SLC41A2: variants seen among roughly 807,000 people sequenced by gnomAD.
SLC41A2 encodes solute carrier family 41 member 2.
In SLC41A2, 32 loss-of-function variants were observed where a neutral mutation model predicts 58.3. The ratio of observed to expected loss-of-function variants is 0.55; its 90% confidence interval spans 0.41 to 0.74. SLC41A2 has a LOEUF of 0.74. Among genes scored for constraint, SLC41A2 ranks in the 30% least tolerant of loss-of-function variants. The pLI, the probability that SLC41A2 is intolerant of heterozygous loss-of-function variation, is 0.00. For synonymous variants in SLC41A2, 190 were observed against 235.0 expected, an observed-to-expected ratio of 0.81 and a Z score of 1.75; for missense variants, 514 against 680.6, an observed-to-expected ratio of 0.76 and a Z score of 2.72.
chr12:104,826,594 C>T (rs2136261770), intron 10 of SLC41A2, among the ~76,000 whole-genome samples: 1 of 152,268 alleles, frequency 6.6e-6, no homozygotes, highest in East Asian at 1.9e-4. Context: ...CTCCCTTACC[C>T]CCTCCTAGAA....
At chr12:104,815,889 G>A (rs1043959278) in intron 10 of SLC41A2, among the ~76,000 whole-genome samples, 1 of 152,088 alleles carries the variant, frequency 6.6e-6, no homozygotes, top group African/African-American at 2.4e-5. Context: ...TCTTTGGCTT[G>A]AACTATTTTG....
chr12:104,852,875 AC>A (rs1251554895), intron 8 of SLC41A2, among the ~76,000 whole-genome samples: 1 of 152,210 alleles, frequency 6.6e-6, no homozygotes, highest in African/African-American at 2.4e-5. Flanking sequence ...ATAATGACAT[AC>A]ACTATGTTTC....
At chr12:104,954,349 G>A (rs1379531436) in intron 1 of SLC41A2, among the ~76,000 whole-genome samples, 2 of 152,290 alleles carry the variant, frequency 1.3e-5, no homozygotes, top group East Asian at 3.9e-4. Context: ...TCTAACTGCA[G>A]TACGTTCAGA....
chr12:104,806,531 G>C (rs966765248), intron 10 of SLC41A2, among the ~76,000 whole-genome samples: 2 of 152,200 alleles, frequency 1.3e-5, no homozygotes, highest in African/African-American at 4.8e-5. Flanking sequence ...ACATACATGT[G>C]CATGTGTCTT....
intron 8 of SLC41A2, among the ~76,000 whole-genome samples, chr12:104,859,919 T>C (rs1205941556): frequency 6.6e-6 from 1 of 151,986 alleles, no homozygotes; most frequent in Non-Finnish European, 1.5e-5. Context: ...ATTTTTATAT[T>C]TTTTGTGCAG....
intron 10 of SLC41A2, among the ~76,000 whole-genome samples, chr12:104,843,828 A>G (rs969065304): frequency 1.3e-5 from 2 of 152,172 alleles, no homozygotes; most frequent in Non-Finnish European, 2.9e-5. Context: ...TGAGAATTAA[A>G]TGAATCAATA....
At chr12:104,865,019 CTG>C (rs2135520260) in intron 7 of SLC41A2, among the ~76,000 whole-genome samples, 1 of 151,372 alleles carries the variant, frequency 6.6e-6, no homozygotes, top group East Asian at 1.9e-4. Flanking sequence ...TTGGAACTCT[CTG>C]TGTACATGGG....
At chr12:104,859,986 A>T (rs1375789289) in intron 8 of SLC41A2, among the ~76,000 whole-genome samples, 3 of 152,066 alleles carry the variant, frequency 2.0e-5, no homozygotes, top group African/African-American at 7.2e-5. Context: ...TGAACGATCC[A>T]CTTGCCTTGG....
intron 8 of SLC41A2, chr12:104,851,981 GATAATAGCAT>G (rs2042817630): frequency 6.6e-6 from 1 of 152,208 alleles, no homozygotes; most frequent in Admixed American, 6.5e-5. Flanking sequence ...GTACTCATCT[GATAATAGCAT>G]ATAAACAAGG....
intron 1 of SLC41A2, 94 bp from the exon 2 acceptor site, chr12:104,928,788 C>A (rs1053838391): frequency 3.4e-6 from 1 of 290,806 alleles, no homozygotes; most frequent in Admixed American, 4.6e-5. Context: ...ATTAAAAACA[C>A]ATGTTCTTAA....
At chr12:104,942,000 T>G (rs556082737) in intron 1 of SLC41A2, among the ~76,000 whole-genome samples, 1 of 152,324 alleles carries the variant, frequency 6.6e-6, no homozygotes, top group East Asian at 1.9e-4. Flanking sequence ...TGTTGCTGTT[T>G]GAGACAAGTC....
At chr12:104,825,347 GA>G (rs775235309) in intron 10 of SLC41A2, among the ~76,000 whole-genome samples, 1 of 152,182 alleles carries the variant, frequency 6.6e-6, no homozygotes, top group Non-Finnish European at 1.5e-5. Context: ...TGGTAGCCAG[GA>G]CCCCACGGGG....
chr12:104,848,739 G>C (rs915364730), intron 8 of SLC41A2, among the ~76,000 whole-genome samples: 1 of 151,732 alleles, frequency 6.6e-6, no homozygotes, highest in African/African-American at 2.4e-5. Context: ...TTTAATAGTT[G>C]GAAAGAAAGT....
chr12:104,945,228 C>T lies in SLC41A2; in HGVS notation c.-168+12860G>A, dbSNP rs147090264. On this transcript the variant is annotated intron_variant, in intron 1 of 10. Coordinates refer to ENST00000258538, the MANE Select transcript of SLC41A2 (RefSeq NM_001352171.3). ...AAAGAAAAGAAAAGAAGGCTGGGCACGGTAGTTCACACCTGTAATCCCAGC... is the reference window on the plus strand; with the variant it reads ...AAAGAAAAGAAAAGAAGGCTGGGCATGGTAGTTCACACCTGTAATCCCAGC... Among the ~76,000 whole-genome samples, 32 of 151,566 alleles carry T rather than the reference C, an allele frequency of 2.1e-4. 1 individual carries two copies. Among genetic ancestry groups the T allele is most frequent in the Admixed American group, 8.6e-4 (13 of 15,186 alleles).
intron 7 of SLC41A2, among the ~76,000 whole-genome samples, chr12:104,862,948 A>G (rs2043263987): frequency 6.6e-6 from 1 of 152,082 alleles, no homozygotes; most frequent in Non-Finnish European, 1.5e-5. Flanking sequence ...GTTATAAACT[A>G]TCACCACCAT....
At chr12:104,923,914 G>A (rs1201366137) in intron 2 of SLC41A2, among the ~76,000 whole-genome samples, 2 of 152,142 alleles carry the variant, frequency 1.3e-5, no homozygotes, top group Non-Finnish European at 2.9e-5. Context: ...AATTACCACA[G>A]GGTATGGAAA....
intron 8 of SLC41A2, among the ~76,000 whole-genome samples, chr12:104,858,371 C>A (rs2043091920): frequency 6.6e-6 from 1 of 152,000 alleles, no homozygotes; most frequent in African/African-American, 2.4e-5. Context: ...TGACTCACCA[C>A]TTACAAGATA....
At chr12:104,839,888 T>C (rs191839743) in intron 10 of SLC41A2, among the ~76,000 whole-genome samples, 8 of 152,326 alleles carry the variant, frequency 5.3e-5, no homozygotes, top group African/African-American at 1.9e-4. Flanking sequence ...TTTTTGTTTT[T>C]TCATAGAGGA....
Position 104,928,255 on chromosome 12 carries a change from C to T in SLC41A2, c.273G>A (p.Glu91=). Residue 91 remains glutamate, a synonymous_variant, in exon 2 of 11, where the codon GAG becomes GAA. Coordinates refer to ENST00000258538, the MANE Select transcript of SLC41A2 (RefSeq NM_001352171.3). ...GCCCATTATTGGCATGAAAAGACTG[C>T]TCTGAGAAACTGTGATACTCCATGT... ...EQHMEYHSFS[E]QSFHANNGHA... is the part of the protein sequence containing the mutation. 6.2e-7 allele frequency: 1 copy of T among 1,614,012 alleles called. No individual in the cohort carries two copies. Among genetic ancestry groups the T allele is most frequent in the Non-Finnish European group, 8.5e-7 (1 of 1,179,912 alleles).
Sources: allele counts gnomAD v4.1 joint callset (sites outside exome capture counted in the v4.1 genomes callset), GRCh38; gene constraint gnomAD v4.1.1; transcripts MANE v1.5; gene names NCBI Gene and HGNC (gene_info 2026-07-23, HGNC 2026-07-21).